EYS: variants seen among roughly 807,000 people sequenced by gnomAD.
The protein encoded by EYS is EGF-like photoreceptor maintenance factor.
A neutral mutation model predicts 282.1 loss-of-function variants in EYS; 250 were observed. The ratio of observed to expected loss-of-function variants is 0.89; its 90% CI spans 0.80 to 0.98. The LOEUF is 0.98. EYS is among the 50% of genes least tolerant of loss of function. The probability of loss-of-function intolerance (pLI) is 0.00; values close to 1 mark genes in which losing one functional copy is unlikely to be tolerated. For synonymous variants in EYS, 1,355 were observed against 1,282.9 expected (o/e 1.06, Z -1.20); for missense variants, 4,016 against 3,709.0 (o/e 1.08, Z -2.15).
intron 35 of EYS, among the ~76,000 whole-genome samples, chr6:63,922,029 C>T (rs1764586536): frequency 1.3e-5 from 2 of 152,132 alleles, no homozygotes; most frequent in African/African-American, 4.8e-5. Flanking sequence ...GAGAGATTTA[C>T]ACACACAGCC....
At position 64,569,637 on chromosome 6, in the gene EYS, A is replaced by G. The variant is rs559006683; in HGVS notation, c.5644+20586T>C. 2.0e-5 allele frequency among the ~76,000 whole-genome samples: 3 copies of G among 152,086 alleles called. No homozygotes were observed. In the East Asian group the frequency reaches 5.9e-4, roughly 30 times the overall value. On this transcript the variant is annotated intron_variant, in intron 26 of 42. Coordinates refer to ENST00000503581, the MANE Select transcript of EYS (RefSeq NM_001142800.2). ...GAACCTGTGGTCCCAGCTACTCGTGAGGCTGAGGCAGGAGAATTGCGTGAA... is the reference window on the plus strand; with the variant it reads ...GAACCTGTGGTCCCAGCTACTCGTGGGGCTGAGGCAGGAGAATTGCGTGAA...
At chr6:64,234,604 T>C (rs961429513) in intron 30 of EYS, among the ~76,000 whole-genome samples, 2 of 152,210 alleles carry the variant, frequency 1.3e-5, no homozygotes, top group Non-Finnish European at 2.9e-5. Flanking sequence ...TTTAATATTT[T>C]TAATAGATAC....
intron 41 of EYS, among the ~76,000 whole-genome samples, chr6:63,750,021 C>A (rs1769304142): frequency 6.6e-6 from 1 of 152,192 alleles, no homozygotes. Flanking sequence ...CTTCTCCTGT[C>A]AGATCAAGTC....
intron 12 of EYS, among the ~76,000 whole-genome samples, chr6:65,232,033 T>C (rs541943210): frequency 6.6e-6 from 1 of 152,134 alleles, no homozygotes; most frequent in South Asian, 2.1e-4. Flanking sequence ...AAATGTTCTA[T>C]ATTTATCTAT....
intron 35 of EYS, among the ~76,000 whole-genome samples, chr6:63,921,790 T>C (rs1764580156): frequency 6.6e-6 from 1 of 152,252 alleles, no homozygotes; most frequent in Non-Finnish European, 1.5e-5. Flanking sequence ...ATTGGAAATA[T>C]AGAATGGAAA....
At chr6:65,568,019 C>A (rs1207362147) in intron 2 of EYS, among the ~76,000 whole-genome samples, 1 of 152,026 alleles carries the variant, frequency 6.6e-6, no homozygotes, top group African/African-American at 2.4e-5. Context: ...CCACCTAGAA[C>A]AAGAATTATT....
intron 30 of EYS, among the ~76,000 whole-genome samples, chr6:64,256,152 T>A (rs1327882212): frequency 6.6e-6 from 1 of 152,038 alleles, no homozygotes; most frequent in East Asian, 1.9e-4. Flanking sequence ...CTTTAGAATT[T>A]AAATTGAGTA....
intron 26 of EYS, among the ~76,000 whole-genome samples, chr6:64,555,086 C>T (rs1342054893): frequency 6.6e-6 from 1 of 151,770 alleles, no homozygotes; most frequent in Non-Finnish European, 1.5e-5. Context: ...TACTGCAACA[C>T]TACTCACAAT....
intron 2 of EYS, among the ~76,000 whole-genome samples, chr6:65,534,579 G>A (rs1582425413): frequency 6.6e-6 from 1 of 152,164 alleles, no homozygotes; most frequent in East Asian, 1.9e-4. Flanking sequence ...TTCATTGACT[G>A]ACGGCTTCCT....
At chr6:65,158,119 A>G (rs1363723320) in intron 12 of EYS, among the ~76,000 whole-genome samples, 2 of 150,912 alleles carry the variant, frequency 1.3e-5, no homozygotes, top group Non-Finnish European at 3.0e-5. Flanking sequence ...TACATCAAAT[A>G]TTCTCATTCT....
intron 13 of EYS, among the ~76,000 whole-genome samples, chr6:65,049,975 A>G (rs371208611): frequency 6.6e-6 from 1 of 151,788 alleles, no homozygotes; most frequent in East Asian, 1.9e-4. Flanking sequence ...TACAGAAAAT[A>G]TAGTCAAATA....
At chr6:65,528,562 C>G (rs78415188) in intron 2 of EYS, among the ~76,000 whole-genome samples, 5,315 of 152,266 alleles carry the variant, frequency 0.035, 240 homozygotes, top group African/African-American at 0.1. Context: ...CTTGCCGTCT[C>G]TCACCCTCTT....
intron 33 of EYS, among the ~76,000 whole-genome samples, chr6:64,033,179 GT>G (rs1769943143): frequency 6.6e-6 from 1 of 152,128 alleles, no homozygotes; most frequent in Non-Finnish European, 1.5e-5. Flanking sequence ...GTCTAGTCAA[GT>G]TTTTGCTCAT....
intron 36 of EYS, among the ~76,000 whole-genome samples, chr6:63,850,485 C>T (rs537748398): frequency 1.3e-5 from 2 of 152,318 alleles, no homozygotes; most frequent in African/African-American, 4.8e-5. Flanking sequence ...GATGTCTCTG[C>T]AGAAACCCTA....
chr6:64,716,446 C>G (rs1771396879), intron 22 of EYS, among the ~76,000 whole-genome samples: 1 of 152,168 alleles, frequency 6.6e-6, no homozygotes, highest in African/African-American at 2.4e-5. Flanking sequence ...AACATTGGTA[C>G]ACTCCTCAAC....
rs1029568380 is a variant in EYS, at chr6:64,120,057, A to G, written c.6425-38055T>C. ...TTTTTAAGTCATTTTAGAAAAACGT[A>G]TATCTTTTGGCCAGGCGTGGTGGCT... On this transcript the variant is annotated intron_variant, in intron 31 of 42. Transcript: ENST00000503581. 7.9e-5 allele frequency among the ~76,000 whole-genome samples: 12 copies of G among 152,170 alleles called. No individual in the cohort carries two copies. The South Asian group carries it at 1.5e-3, about 18-fold the overall frequency.
At chr6:64,130,391 A>G (rs1441710628) in intron 31 of EYS, among the ~76,000 whole-genome samples, 3 of 152,160 alleles carry the variant, frequency 2.0e-5, no homozygotes, top group African/African-American at 7.2e-5. Flanking sequence ...CAAAAAACCA[A>G]ATGCCGCATG....
chr6:63,961,820 G>A (rs1280815226), intron 35 of EYS, among the ~76,000 whole-genome samples: 1 of 152,006 alleles, frequency 6.6e-6, no homozygotes, highest in Non-Finnish European at 1.5e-5. Context: ...AATTTTGATG[G>A]TACACCAACA....
chr6:64,187,506 A>G (rs1764981850), intron 31 of EYS, among the ~76,000 whole-genome samples: 1 of 152,132 alleles, frequency 6.6e-6, no homozygotes, highest in Non-Finnish European at 1.5e-5. Flanking sequence ...TACAAGGAAA[A>G]AAGAAAATAG....
Sources: allele counts gnomAD v4.1 joint callset (sites outside exome capture counted in the v4.1 genomes callset), GRCh38; gene constraint gnomAD v4.1.1; transcripts MANE v1.5; gene names NCBI Gene and HGNC (gene_info 2026-07-23, HGNC 2026-07-21).